KATNBL1: variants seen among roughly 807,000 people sequenced by gnomAD.
The protein encoded by KATNBL1 is KATNB1-like protein 1.
A neutral mutation model predicts 44.7 loss-of-function variants in KATNBL1; 28 were observed. The observed-to-expected ratio is 0.63, with a 90% CI of 0.46 to 0.86. The LOEUF is 0.86. Among genes scored for constraint, KATNBL1 ranks in the 40% least tolerant of loss-of-function variants. KATNBL1 has a pLI of 0.00. For synonymous variants in KATNBL1, 78 were observed against 114.9 expected (o/e 0.68, Z 2.06); for missense variants, 272 against 350.7 (o/e 0.78, Z 1.79).
chr15:34,149,057 T>C (rs907405029), intron 4 of KATNBL1, among the ~76,000 whole-genome samples: 1 of 152,236 alleles, frequency 6.6e-6, no homozygotes, highest in Admixed American at 6.5e-5. Flanking sequence ...TGTAAACATG[T>C]AGGCTAGTCA....
intron 4 of KATNBL1, among the ~76,000 whole-genome samples, chr15:34,152,399 T>C (rs969095658): frequency 2.0e-5 from 3 of 152,194 alleles, no homozygotes; most frequent in Non-Finnish European, 4.4e-5. Context: ...AGGCAGGGTT[T>C]CACCATGTTG....
intron 2 of KATNBL1, among the ~76,000 whole-genome samples, chr15:34,159,172 G>GT (rs1639828591): frequency 2.0e-5 from 3 of 151,894 alleles, no homozygotes; most frequent in South Asian, 2.1e-4. Flanking sequence ...CTGTTAATAG[G>GT]GCTGTTGCTG....
intron 1 of KATNBL1, among the ~76,000 whole-genome samples, chr15:34,202,086 A>G (rs757792802): frequency 2.0e-5 from 3 of 152,218 alleles, no homozygotes; most frequent in Non-Finnish European, 4.4e-5. Flanking sequence ...CCAATCGCCC[A>G]TAGATAATGA....
intron 1 of KATNBL1, among the ~76,000 whole-genome samples, chr15:34,186,053 A>G (rs1328939958): frequency 6.6e-6 from 1 of 152,228 alleles, no homozygotes; most frequent in African/African-American, 2.4e-5. Flanking sequence ...AACCATAAAC[A>G]TCACTTCTAT....
intron 1 of KATNBL1, among the ~76,000 whole-genome samples, chr15:34,193,998 G>A (rs1019583267): frequency 2.6e-5 from 4 of 151,938 alleles, no homozygotes; most frequent in Non-Finnish European, 5.9e-5. Flanking sequence ...CTGGAATGCA[G>A]TGGCACGATC....
intron 1 of KATNBL1, among the ~76,000 whole-genome samples, chr15:34,195,707 CA>C (rs1432240429): frequency 2.1e-5 from 3 of 145,002 alleles, no homozygotes; most frequent in Non-Finnish European, 4.4e-5. Context: ...AAAAAAAACC[CA>C]AAAAACAAAC....
intron 1 of KATNBL1, among the ~76,000 whole-genome samples, chr15:34,207,304 G>T (rs1291838426): frequency 6.6e-6 from 1 of 152,066 alleles, no homozygotes; most frequent in Admixed American, 6.5e-5. Context: ...TGCCTCCTGG[G>T]TTCAACCGAT....
intron 1 of KATNBL1, among the ~76,000 whole-genome samples, chr15:34,186,752 C>G (rs1889728028): frequency 6.6e-6 from 1 of 152,242 alleles, no homozygotes; most frequent in Non-Finnish European, 1.5e-5. Context: ...CTGCTCTGAT[C>G]TGAGAGCAGG....
chr15:34,196,077 T>C (rs1349040928), intron 1 of KATNBL1, among the ~76,000 whole-genome samples: 2 of 152,128 alleles, frequency 1.3e-5, no homozygotes, highest in Non-Finnish European at 2.9e-5. Flanking sequence ...ATAAAAAGAT[T>C]CATTAAAAAA....
In KATNBL1 at chr15:34,163,557, T is replaced by C; in HGVS notation, c.117+3A>G. 6.3e-7 allele frequency: 1 copy of C among 1,594,082 alleles called. No homozygotes were observed. On this transcript the variant is annotated splice_donor_region_variant and intron_variant, in intron 2 of 9. Coordinates refer to ENST00000256544, the MANE Select transcript of KATNBL1 (RefSeq NM_024713.3). The stretch of plus-strand genomic sequence containing the variant: ...ATCTGTTTTCTAGAAACCATAGACT[T>C]ACCTCCTTCATGTTCTTATTAGTGA...
In KATNBL1 at chr15:34,163,455, A is replaced by T. The variant is rs573419535; in HGVS notation, c.117+105T>A. 7 of 1,312,030 alleles carry T rather than the reference A, an allele frequency of 5.3e-6. 1 individual carries two copies. The highest frequency in any genetic ancestry group is 7.3e-6 in the Non-Finnish European group (7 of 964,616). 81.3% of individuals were successfully genotyped at this position (1,312,030 alleles called of 1,614,324 possible). A position where few individuals can be genotyped will look rare whatever the true frequency, so the allele number is the denominator to read the frequency against. On this transcript the variant is annotated intron_variant, in intron 2 of 9. Transcript: ENST00000256544. ...CAATTCAACTTAATTCTGGGAGATT[A>T]AGCAGAATTATTATCCTCCCATTGT...
intron 2 of KATNBL1, 112 bp from the exon 3 acceptor site, chr15:34,154,796 G>C: frequency 2.7e-6 from 2 of 746,542 alleles, no homozygotes; most frequent in South Asian, 3.0e-5. Flanking sequence ...TTCTGCAGAA[G>C]GGTGCCAATC....
rs944342796 is a variant in KATNBL1 at position 34,141,346 on chromosome 15, A to G, written c.*993T>C. Reference sequence around the variant, plus strand: ...GTATGTAACTCTTTAAAACATATGTAGTGAAAAAGAATTAGAATTCATATA... The same window carrying G: ...GTATGTAACTCTTTAAAACATATGTGGTGAAAAAGAATTAGAATTCATATA... On this transcript the variant is annotated 3_prime_UTR_variant, in exon 10 of 10. Coordinates refer to ENST00000256544, the MANE Select transcript of KATNBL1 (RefSeq NM_024713.3). 9 of 152,648 alleles carry G rather than the reference A, an allele frequency of 5.9e-5. No homozygotes were observed. The highest frequency in any genetic ancestry group is 1.9e-4 in the African/African-American group (8 of 41,474). The allele number at this position is 152,648 out of a possible 1,614,324, so 9.5% of individuals were successfully genotyped here.
In KATNBL1 at chr15:34,153,031, C is replaced by A. The variant is rs569339310; in HGVS notation, c.197G>T (p.Arg66Leu). The change falls in exon 4 of 10, where the codon CGT (arginine) becomes CTT (leucine). Residue 66 changes from arginine (R) to leucine (L), a missense_variant. By Grantham distance (102) the Arg-to-Leu change is moderately radical. Transcript: ENST00000256544. Reference sequence around the variant, plus strand: ...TTTCTTTCTGCGATAGATCACTTTACGAAGTTTATCTGGGCTTTTCACAGT... The same window carrying A: ...TTTCTTTCTGCGATAGATCACTTTAAGAAGTTTATCTGGGCTTTTCACAGT... Reference protein sequence around the residue: ...GQTVKSPDKLRKVIYRRKKVH... With the variant: ...GQTVKSPDKLLKVIYRRKKVH... 1 of 1,612,980 alleles carries A rather than the reference C, an allele frequency of 6.2e-7. No individual in the cohort carries two copies. Among genetic ancestry groups the A allele is most frequent in the Non-Finnish European group, 8.5e-7 (1 of 1,179,282 alleles).
At chr15:34,149,393 T>C (rs1888400689) in intron 4 of KATNBL1, among the ~76,000 whole-genome samples, 1 of 152,114 alleles carries the variant, frequency 6.6e-6, no homozygotes, top group South Asian at 2.1e-4. Flanking sequence ...TTTTTACCTA[T>C]ATGAACATTT....
chr15:34,156,850 T>G (rs1168057429), intron 2 of KATNBL1, among the ~76,000 whole-genome samples: 1 of 152,196 alleles, frequency 6.6e-6, no homozygotes, highest in Non-Finnish European at 1.5e-5. Context: ...GTTCCTTTAG[T>G]AAAATGAATG....
intron 1 of KATNBL1, among the ~76,000 whole-genome samples, chr15:34,207,784 G>C (rs1435063034): frequency 6.6e-6 from 1 of 152,028 alleles, no homozygotes; most frequent in Non-Finnish European, 1.5e-5. Context: ...TAAATTTTTT[G>C]TAGAGATATG....
At chr15:34,204,989 G>GTTTTT (rs565440431) in intron 1 of KATNBL1, among the ~76,000 whole-genome samples, 1 of 136,430 alleles carries the variant, frequency 7.3e-6, no homozygotes, top group Non-Finnish European at 1.6e-5. Flanking sequence ...AAGAGGGACA[G>GTTTTT]TTTTTTTTTT....
intron 8 of KATNBL1, chr15:34,146,464 C>CT: frequency 4.1e-6 from 1 of 245,578 alleles, no homozygotes; most frequent in Non-Finnish European, 7.8e-6. Context: ...GTGGGCATCT[C>CT]TTTTTCCTCC....
Sources: gnomAD v4.1 joint callset for allele counts (sites outside exome capture counted in the v4.1 genomes callset) on GRCh38, gnomAD v4.1.1 for gene constraint, MANE v1.5 for transcripts, NCBI Gene and HGNC (gene_info 2026-07-23, HGNC 2026-07-21) for gene names.